HELZ: variants seen among roughly 807,000 people sequenced by gnomAD.
HELZ encodes ATP-dependent RNA helicase with zinc finger domain.
In HELZ, 23 loss-of-function variants were observed where a neutral mutation model predicts 218.2. The observed-to-expected ratio is 0.11, with a 90% CI of 0.08 to 0.15. HELZ has a LOEUF of 0.15. Ranked by LOEUF, HELZ falls within the 10% of genes least tolerant of loss-of-function variation. The pLI, the probability that HELZ is intolerant of heterozygous loss-of-function variation, is 1.00. For missense variants in HELZ, 1,813 were observed against 2,353.7 expected (o/e 0.77, Z 4.75); for synonymous variants, 814 against 829.4 (o/e 0.98, Z 0.32).
rs2036519132 is a variant in HELZ, at chr17:67,089,702, C to CAGAGACAGAGAGACAGAG, written c.5242-2622_5242-2621insCTCTGTCTCTCTGTCTCT. Among the ~76,000 whole-genome samples, 52 of 68,194 alleles carry CAGAGACAGAGAGACAGAG rather than the reference C, an allele frequency of 7.6e-4. 1 individual carries two copies. Among genetic ancestry groups the CAGAGACAGAGAGACAGAG allele is most frequent in the Admixed American group, 3.4e-3 (22 of 6,554 alleles). The allele number at this position is 68,194 out of a possible 152,430, so 44.7% of individuals were successfully genotyped here. On this transcript the variant is annotated intron_variant, in intron 31 of 32. Coordinates refer to ENST00000358691, the MANE Select transcript of HELZ (RefSeq NM_014877.4). ...AGAGAGAGAGAGAGAGAGAGAGAGA[C>CAGAGACAGAGAGACAGAG]AGAGAGACAGAGAGAGAGACAGAGA... is the stretch of plus-strand genomic sequence containing the variant.
chr17:67,196,337 C>T (rs1483702780), intron 7 of HELZ, among the ~76,000 whole-genome samples: 1 of 152,082 alleles, frequency 6.6e-6, no homozygotes, highest in Non-Finnish European at 1.5e-5. Context: ...TAACTTTACC[C>T]TAAGCTCTAC....
chr17:67,228,142 T>C (rs1176136529), intron 3 of HELZ, among the ~76,000 whole-genome samples: 1 of 152,376 alleles, frequency 6.6e-6, no homozygotes, highest in African/African-American at 2.4e-5. Context: ...CCATAATCAC[T>C]ATCTCCTTTG....
At chr17:67,216,028 T>A in intron 4 of HELZ, 93 bp from the exon 5 acceptor site, 1 of 768,686 alleles carries the variant, frequency 1.3e-6, no homozygotes, top group Non-Finnish European at 2.3e-6. Context: ...TGTTTCAAAG[T>A]TTAATCATTA....
Position 67,150,510 on chromosome 17 carries a change from C to T in HELZ, c.2357-525G>A, listed in dbSNP as rs115882276. On this transcript the variant is annotated intron_variant, in intron 18 of 32. Coordinates refer to ENST00000358691, the MANE Select transcript of HELZ (RefSeq NM_014877.4). ...CTTGACATCTTACATCTGTACTTCA[C>T]ATAACACTAGTTTGATTTTACATGG... 4.6e-3 allele frequency among the ~76,000 whole-genome samples: 696 copies of T among 152,276 alleles called. 6 individuals are homozygous for T. The highest frequency in any genetic ancestry group is 0.016 in the African/African-American group (661 of 41,554).
chr17:67,201,355 G>C (rs1483626073), intron 6 of HELZ, among the ~76,000 whole-genome samples, 170 bp from the exon 7 acceptor site: 1 of 152,082 alleles, frequency 6.6e-6, no homozygotes, highest in Non-Finnish European at 1.5e-5. Context: ...ACATCTATGA[G>C]GAAAATTTAA....
At chr17:67,097,743 T>C (rs1019641739) in intron 31 of HELZ, among the ~76,000 whole-genome samples, 1 of 152,234 alleles carries the variant, frequency 6.6e-6, no homozygotes, top group Non-Finnish European at 1.5e-5. Context: ...CAACAGCTCT[T>C]ACAATGAGCA....
chr17:67,106,365 G>A (rs972647469), intron 31 of HELZ, among the ~76,000 whole-genome samples: 3 of 149,506 alleles, frequency 2.0e-5, no homozygotes, highest in Admixed American at 6.6e-5. Flanking sequence ...CTGGAGTGCA[G>A]TGGCATATCT....
At chr17:67,093,932 AGTAGATTT>A (rs1884240388) in intron 31 of HELZ, among the ~76,000 whole-genome samples, 1 of 152,072 alleles carries the variant, frequency 6.6e-6, no homozygotes, top group Non-Finnish European at 1.5e-5. Flanking sequence ...CCAAAACTAT[AGTAGATTT>A]ATTTCTAGGT....
intron 3 of HELZ, among the ~76,000 whole-genome samples, chr17:67,227,237 G>T (rs1179767195): frequency 6.6e-6 from 1 of 150,596 alleles, no homozygotes; most frequent in East Asian, 1.9e-4. Context: ...CTGTCGCCCA[G>T]GTTGGAGTGC....
intron 23 of HELZ, among the ~76,000 whole-genome samples, chr17:67,133,147 GT>G (rs200930673): frequency 2.1e-4 from 31 of 150,786 alleles, no homozygotes; most frequent in African/African-American, 2.9e-4. Flanking sequence ...TGAAATGTAT[GT>G]TTTTTTTTCA....
At chr17:67,176,585 C>T (rs993299599) in intron 13 of HELZ, 2 of 152,294 alleles carry the variant, frequency 1.3e-5, no homozygotes, top group African/African-American at 4.8e-5. Flanking sequence ...CCTGTAATCC[C>T]AGCACCTTGG....
chr17:67,113,133 A>G (rs1355209534), intron 28 of HELZ, among the ~76,000 whole-genome samples: 1 of 152,170 alleles, frequency 6.6e-6, no homozygotes, highest in Admixed American at 6.5e-5. Flanking sequence ...ATATCAAGCA[A>G]TTTGCTTACT....
intron 31 of HELZ, among the ~76,000 whole-genome samples, chr17:67,102,615 G>A (rs1269242123): frequency 2.0e-5 from 3 of 152,110 alleles, no homozygotes; most frequent in Non-Finnish European, 4.4e-5. Flanking sequence ...TATTTTAAAA[G>A]GTTGGAAATA....
chr17:67,181,197 A>G (rs979974118), intron 12 of HELZ, among the ~76,000 whole-genome samples: 3 of 152,352 alleles, frequency 2.0e-5, no homozygotes, highest in Admixed American at 2.0e-4. Flanking sequence ...CTTTAAAAAA[A>G]TTAATTCAGA....
chr17:67,228,490 C>T (rs1380508695), intron 3 of HELZ, among the ~76,000 whole-genome samples: 2 of 151,884 alleles, frequency 1.3e-5, no homozygotes, highest in Non-Finnish European at 1.5e-5. Context: ...GGCGAAACCC[C>T]GCCTCTACCA....
intron 12 of HELZ, among the ~76,000 whole-genome samples, chr17:67,181,882 A>T (rs1335298921): frequency 6.6e-6 from 1 of 152,042 alleles, no homozygotes; most frequent in African/African-American, 2.4e-5. Context: ...TTCCAGCTCC[A>T]TTCCTCTCAC....
At chr17:67,126,855 G>A (rs546380042) in intron 24 of HELZ, among the ~76,000 whole-genome samples, 18 of 151,186 alleles carry the variant, frequency 1.2e-4, no homozygotes, top group African/African-American at 4.3e-4. Flanking sequence ...GAGCAAGACT[G>A]TCTCAAAAAA....
intron 3 of HELZ, chr17:67,224,770 T>A: frequency 8.5e-7 from 1 of 1,176,178 alleles, no homozygotes. Context: ...CTGTAAGAAG[T>A]GTGGCAAGCA....
chr17:67,237,261 G>A (rs555957763), intron 3 of HELZ, among the ~76,000 whole-genome samples: 1 of 152,224 alleles, frequency 6.6e-6, no homozygotes, highest in East Asian at 1.9e-4. Context: ...CTCCAGCCTG[G>A]GCGACAGAGT....
Sources: gnomAD v4.1 joint callset for allele counts (sites outside exome capture counted in the v4.1 genomes callset) on GRCh38, gnomAD v4.1.1 for gene constraint, MANE v1.5 for transcripts, NCBI Gene and HGNC (gene_info 2026-07-23, HGNC 2026-07-21) for gene names.